RBFOX3: variants seen among roughly 807,000 people sequenced by gnomAD.
RBFOX3 encodes RNA binding protein fox-1 homolog 3.
A neutral mutation model predicts 48.7 loss-of-function variants in RBFOX3; 17 were observed. That is an observed-to-expected ratio of 0.35 (90% CI 0.24 to 0.52). The LOEUF is 0.52. Ranked by LOEUF, RBFOX3 falls within the 20% of genes least tolerant of loss-of-function variation. The pLI is 0.94. For synonymous variants in RBFOX3, 212 were observed against 209.5 expected (o/e 1.01, Z -0.10); for missense variants, 382 against 497.5 (o/e 0.77, Z 2.21).
chr17:79,438,015 G>C (rs2069923866), intron 2 of RBFOX3, among the ~76,000 whole-genome samples: 1 of 151,920 alleles, frequency 6.6e-6, no homozygotes, highest in Non-Finnish European at 1.5e-5. Flanking sequence ...GTACACAGAG[G>C]GGCACAAGCA....
intron 1 of RBFOX3, among the ~76,000 whole-genome samples, chr17:79,490,422 C>G (rs960805778): frequency 3.3e-5 from 5 of 152,278 alleles, no homozygotes; most frequent in African/African-American, 1.2e-4. Flanking sequence ...GACTGCCTGA[C>G]CCGGGTTCAG....
At chr17:79,191,717 G>A (rs2054566898) in intron 4 of RBFOX3, among the ~76,000 whole-genome samples, 1 of 152,166 alleles carries the variant, frequency 6.6e-6, no homozygotes, top group Admixed American at 6.5e-5. Context: ...TCAAGGGAGT[G>A]GGGACGAGCA....
intron 3 of RBFOX3, among the ~76,000 whole-genome samples, chr17:79,259,963 G>C (rs944178576): frequency 1.3e-5 from 2 of 152,094 alleles, no homozygotes; most frequent in East Asian, 1.9e-4. Flanking sequence ...CAGGTGGGCT[G>C]GGCAGCCAGA....
chr17:79,584,592 A>C (rs1261821773), intron 1 of RBFOX3, among the ~76,000 whole-genome samples: 2 of 152,060 alleles, frequency 1.3e-5, no homozygotes, highest in African/African-American at 4.8e-5. Flanking sequence ...CTCAGCCATA[A>C]AAAGGAACAA....
chr17:79,172,173 C>CAAAAAAAAAAAAAAAAA (rs977301314), intron 4 of RBFOX3, among the ~76,000 whole-genome samples: 1 of 52,466 alleles, frequency 1.9e-5, no homozygotes. Flanking sequence ...GAGTCCGTCT[C>CAAAAAAAAAAAAAAAAA]AAAAAAAAAA....
At chr17:79,325,970 A>G (rs558895894) in intron 2 of RBFOX3, among the ~76,000 whole-genome samples, 1 of 152,350 alleles carries the variant, frequency 6.6e-6, no homozygotes, top group South Asian at 2.1e-4. Flanking sequence ...GGATAGATTT[A>G]TGAGCGGAAG....
intron 2 of RBFOX3, among the ~76,000 whole-genome samples, chr17:79,366,230 T>C (rs963728355): frequency 6.6e-6 from 1 of 152,230 alleles, no homozygotes; most frequent in Middle Eastern, 3.2e-3. Context: ...GGCACCGCAC[T>C]AGTCTTTCTG....
intron 4 of RBFOX3, among the ~76,000 whole-genome samples, chr17:79,120,829 A>C (rs1054564592): frequency 6.6e-6 from 1 of 151,914 alleles, no homozygotes; most frequent in African/African-American, 2.4e-5. Flanking sequence ...TTCCTCTACA[A>C]ACTTGCCCCC....
chr17:79,302,760 CAA>C (rs888587363), intron 3 of RBFOX3, among the ~76,000 whole-genome samples: 21 of 152,286 alleles, frequency 1.4e-4, no homozygotes, highest in African/African-American at 4.8e-4. Context: ...GCTTGTTTTG[CAA>C]AGTTTTTGGT....
At chr17:79,530,133 C>A (rs893468516) in intron 1 of RBFOX3, among the ~76,000 whole-genome samples, 2 of 152,162 alleles carry the variant, frequency 1.3e-5, no homozygotes, top group Admixed American at 1.3e-4. Context: ...TCGAGCACAG[C>A]CCACAGAGAG....
At chr17:79,131,671 G>A (rs2038948668) in intron 4 of RBFOX3, among the ~76,000 whole-genome samples, 1 of 152,194 alleles carries the variant, frequency 6.6e-6, no homozygotes, top group Non-Finnish European at 1.5e-5. Context: ...ATAATAATCT[G>A]TTTTATTTTA....
the RBFOX3 span, among the ~76,000 whole-genome samples, chr17:79,662,020 G>C: frequency 6.6e-6 from 1 of 150,556 alleles, no homozygotes; most frequent in Non-Finnish European, 1.5e-5. Flanking sequence ...ATTTCCCCTT[G>C]TGGTTAATAT....
intron 3 of RBFOX3, among the ~76,000 whole-genome samples, chr17:79,261,949 C>G (rs958343108): frequency 6.6e-6 from 1 of 152,172 alleles, no homozygotes. Context: ...GGGAGGCGTA[C>G]GAACACCTGC....
At chr17:79,126,741 C>A (rs970348998) in intron 4 of RBFOX3, among the ~76,000 whole-genome samples, 1 of 152,190 alleles carries the variant, frequency 6.6e-6, no homozygotes, top group Non-Finnish European at 1.5e-5. Context: ...CAGCCCAGCC[C>A]GCCAGACAAA....
At chr17:79,096,207 G>C (rs987663404) in intron 12 of RBFOX3, among the ~76,000 whole-genome samples, 1 of 152,188 alleles carries the variant, frequency 6.6e-6, no homozygotes, top group Non-Finnish European at 1.5e-5. Flanking sequence ...GCCCCATGAA[G>C]GGGGAGAAAG....
At chr17:79,341,259 T>C (rs2082039670) in intron 2 of RBFOX3, among the ~76,000 whole-genome samples, 1 of 152,194 alleles carries the variant, frequency 6.6e-6, no homozygotes, top group South Asian at 2.1e-4. Flanking sequence ...TACATGTGTG[T>C]GCACAGGTGT....
rs1274928133 is a variant in RBFOX3 at position 79,535,928 on chromosome 17, G to A, written c.-319-53330C>T. On this transcript the variant is annotated intron_variant, in intron 1 of 14. Transcript: ENST00000693108. This position sits in a 1 kb window ranked among gnomAD's most constrained non-coding sequence, Gnocchi z 4.5. Reference sequence around the variant, plus strand: ...ACTGCACCCCTGCCCGTGACCAGTAGCGGCAGGGTCATCTCCACAGGCCCC... The same window carrying A: ...ACTGCACCCCTGCCCGTGACCAGTAACGGCAGGGTCATCTCCACAGGCCCC... Among the ~76,000 whole-genome samples, 12 of 152,252 alleles carry A rather than the reference G, an allele frequency of 7.9e-5. No homozygotes were observed. Among genetic ancestry groups the A allele is most frequent in the South Asian group, 2.1e-4 (1 of 4,818 alleles).
chr17:79,300,818 C>T (rs2075198196), intron 3 of RBFOX3, among the ~76,000 whole-genome samples: 1 of 152,100 alleles, frequency 6.6e-6, no homozygotes, highest in African/African-American at 2.4e-5. Context: ...TGGGGCTGCA[C>T]TTGTATTTTA....
At position 79,115,730 on chromosome 17, in the gene RBFOX3, C is replaced by T; in HGVS notation, c.-15G>A. 3.9e-6 allele frequency: 3 copies of T among 770,314 alleles called. No individual in the cohort carries two copies. The highest frequency in any genetic ancestry group is 6.4e-6 in the Non-Finnish European group (3 of 465,254). 47.7% of individuals were successfully genotyped at this position (770,314 alleles called of 1,614,324 possible). A position where few individuals can be genotyped will look rare whatever the true frequency, so the allele number is the denominator to read the frequency against. On this transcript the variant is annotated 5_prime_UTR_variant, in exon 5 of 15. Coordinates refer to ENST00000693108, the MANE Select transcript of RBFOX3 (RefSeq NM_001350451.2). ...GGCTGGGCCATCGCTTCAGGCGGAG[C>T]CGTGGCGTCCTGATCGCTCTGTGGA...
Sources: allele counts gnomAD v4.1 joint callset (sites outside exome capture counted in the v4.1 genomes callset), GRCh38; gene constraint gnomAD v4.1.1; non-coding constraint Gnocchi (gnomAD v3.1); transcripts MANE v1.5; gene names NCBI Gene and HGNC (gene_info 2026-07-23, HGNC 2026-07-21).